The following MKLN1 variants were observed in gnomAD, a reference collection of about 807,000 sequenced individuals.
The protein encoded by MKLN1 is muskelin.
In MKLN1, 18 loss-of-function variants were observed where a neutral mutation model predicts 99.0. That is an observed-to-expected ratio of 0.18 (90% CI 0.13 to 0.27). MKLN1 has a LOEUF of 0.27. MKLN1 is among the 10% of genes least tolerant of loss of function. The pLI is 1.00. For synonymous variants in MKLN1, 288 were observed against 293.2 expected (o/e 0.98, Z 0.18); for missense variants, 621 against 875.9 (o/e 0.71, Z 3.67).
chr7:131,166,624 C>T (rs2116325096), intron 2 of MKLN1, among the ~76,000 whole-genome samples: 1 of 152,298 alleles, frequency 6.6e-6, no homozygotes, highest in South Asian at 2.1e-4. Context: ...TGCCTGAAAC[C>T]CTCTTTCCTC....
intron 3 of MKLN1, among the ~76,000 whole-genome samples, chr7:131,210,362 C>A (rs62471967): frequency 0.25 from 37,964 of 151,684 alleles, 5,242 homozygotes; most frequent in East Asian, 0.66. Context: ...GAAACCCTGT[C>A]TCTACTAAAA....
chr7:131,237,419 A>T (rs1019478917), intron 3 of MKLN1, among the ~76,000 whole-genome samples: 3 of 152,218 alleles, frequency 2.0e-5, no homozygotes, highest in Non-Finnish European at 4.4e-5. Flanking sequence ...CACACAGGAA[A>T]TGATTCCCAG....
At chr7:131,439,118 G>A (rs1025082302) in intron 10 of MKLN1, among the ~76,000 whole-genome samples, 4 of 152,138 alleles carry the variant, frequency 2.6e-5, no homozygotes, top group Non-Finnish European at 5.9e-5. Context: ...ACAGAGCTAT[G>A]CACATCCCTG....
chr7:131,406,817 C>T (rs1359074783), intron 6 of MKLN1, among the ~76,000 whole-genome samples: 1 of 151,966 alleles, frequency 6.6e-6, no homozygotes, highest in African/African-American at 2.4e-5. Flanking sequence ...TAACCAGCTT[C>T]CTTGTTGCTG....
At chr7:131,358,751 G>A (rs1311842756) in intron 1 of MKLN1, among the ~76,000 whole-genome samples, 1 of 152,050 alleles carries the variant, frequency 6.6e-6, no homozygotes, top group South Asian at 2.1e-4. Flanking sequence ...TCGACTTTTG[G>A]TAGTTTGTAT....
intron 3 of MKLN1, among the ~76,000 whole-genome samples, chr7:131,231,378 GCC>G (rs1339853493): frequency 6.6e-6 from 1 of 152,074 alleles, no homozygotes; most frequent in Non-Finnish European, 1.5e-5. Flanking sequence ...ACTACATGCA[GCC>G]TGAAGCACTT....
chr7:131,372,979 T>C (rs1300288348), intron 1 of MKLN1, among the ~76,000 whole-genome samples: 1 of 151,988 alleles, frequency 6.6e-6, no homozygotes, highest in African/African-American at 2.4e-5. Flanking sequence ...TAAATTTGTA[T>C]ACTTCCAAGA....
chr7:131,175,729 G>A (rs990415499), intron 2 of MKLN1, among the ~76,000 whole-genome samples: 10 of 152,132 alleles, frequency 6.6e-5, no homozygotes, highest in Non-Finnish European at 1.2e-4. Context: ...GTGAAACCCC[G>A]TCTCTACTAA....
chr7:131,246,101 A>G (rs1480863354), intron 3 of MKLN1, among the ~76,000 whole-genome samples: 2 of 152,158 alleles, frequency 1.3e-5, no homozygotes, highest in Non-Finnish European at 2.9e-5. Flanking sequence ...CTCCTTGGGG[A>G]TGTCCGTGCC....
At chr7:131,331,247 A>G (rs1799064958) in intron 1 of MKLN1, among the ~76,000 whole-genome samples, 1 of 152,186 alleles carries the variant, frequency 6.6e-6, no homozygotes, top group African/African-American at 2.4e-5. Context: ...GCCCAGGGTC[A>G]TATAGTTTTC....
chr7:131,359,495 G>C (rs890525802), intron 1 of MKLN1, among the ~76,000 whole-genome samples: 12 of 152,136 alleles, frequency 7.9e-5, no homozygotes, highest in South Asian at 2.1e-4. Context: ...TGCAAAGTCA[G>C]TTAGATCTAG....
chr7:131,345,025 C>A (rs969551449), intron 1 of MKLN1, among the ~76,000 whole-genome samples: 1 of 152,128 alleles, frequency 6.6e-6, no homozygotes, highest in African/African-American at 2.4e-5. Context: ...AGGCTGGTCT[C>A]GAACTCCTGA....
chr7:131,213,033 C>T (rs187774089), intron 3 of MKLN1, among the ~76,000 whole-genome samples: 88 of 152,102 alleles, frequency 5.8e-4, no homozygotes, highest in African/African-American at 2.0e-3. Flanking sequence ...CCTTACCTAC[C>T]GCCAATCACA....
chr7:131,262,492 T>C (rs1797747126), intron 3 of MKLN1, among the ~76,000 whole-genome samples: 1 of 152,146 alleles, frequency 6.6e-6, no homozygotes, highest in Non-Finnish European at 1.5e-5. Flanking sequence ...ATGTCTTTAA[T>C]TCTGGTTAAT....
At chr7:131,141,138 G>A (rs758051894) in intron 1 of MKLN1, among the ~76,000 whole-genome samples, 1 of 151,816 alleles carries the variant, frequency 6.6e-6, no homozygotes, top group African/African-American at 2.4e-5. Flanking sequence ...CTTTTTCTCT[G>A]CTCCTACACA....
chr7:131,327,601 C>T, upstream of MKLN1: 1 of 356,918 alleles, frequency 2.8e-6, no homozygotes, highest in Non-Finnish European at 5.1e-6. Flanking sequence ...GTAATCATCT[C>T]GGCTTTTCCT....
At chr7:131,254,416 A>G (rs1797626885) in intron 3 of MKLN1, among the ~76,000 whole-genome samples, 1 of 152,210 alleles carries the variant, frequency 6.6e-6, no homozygotes, top group Non-Finnish European at 1.5e-5. Flanking sequence ...GACTCATAAC[A>G]TAACATAAGG....
upstream of MKLN1, chr7:131,327,833 G>A (rs1051708047): frequency 1.3e-5 from 20 of 1,587,618 alleles, no homozygotes; most frequent in Non-Finnish European, 1.6e-5. Context: ...TTAAGAGCAG[G>A]CCACGCCCCC....
At chr7:131,371,047 T>C (rs1011579538) in intron 1 of MKLN1, among the ~76,000 whole-genome samples, 6 of 152,178 alleles carry the variant, frequency 3.9e-5, no homozygotes, top group African/African-American at 1.4e-4. Context: ...TAGTATGAGC[T>C]TTAAGTTACA....
Sources: allele counts gnomAD v4.1 joint callset (sites outside exome capture counted in the v4.1 genomes callset), GRCh38; gene constraint gnomAD v4.1.1; transcripts MANE v1.5; gene names NCBI Gene and HGNC (gene_info 2026-07-23, HGNC 2026-07-21).